The following F5 variants were observed in gnomAD, a reference collection of about 807,000 sequenced individuals.
F5 encodes the protein coagulation factor V.
Under a neutral mutation model 216.4 loss-of-function variants are expected in F5, and 138 were observed. The ratio of observed to expected loss-of-function variants is 0.64; its 90% confidence interval spans 0.56 to 0.73. F5 has a LOEUF of 0.73. F5 is among the 30% of genes least tolerant of loss of function. The pLI is 0.00. For missense variants in F5, 2,403 were observed against 2,674.0 expected, an observed-to-expected ratio of 0.90 and a Z score of 2.24; for synonymous variants, 916 against 930.7, an observed-to-expected ratio of 0.98 and a Z score of 0.29.
At chr1:169,581,878 A>G (rs1437326657) in intron 2 of F5, among the ~76,000 whole-genome samples, 1 of 152,228 alleles carries the variant, frequency 6.6e-6, no homozygotes, top group African/African-American at 2.4e-5. Context: ...AGAGTCAGCC[A>G]TACATAGTTC....
In F5 at chr1:169,527,979, G is replaced by A. The variant is rs372920179; in HGVS notation, c.5535C>T (p.His1845=). Residue 1845 remains histidine (H), a synonymous_variant, in exon 17 of 25, where the codon CAC becomes CAT. Transcript: ENST00000367797. The part of the protein sequence containing the change: ...GSQDIHVVHF[H]GQTLLENGNK... ...TGCCATTTTCCAGCAAGGTCTGGCCGTGAAAGTGAACCACGTGAATGTCTT... is the reference window on the plus strand; with the variant it reads ...TGCCATTTTCCAGCAAGGTCTGGCCATGAAAGTGAACCACGTGAATGTCTT... 23 of 1,613,730 alleles carry A rather than the reference G, an allele frequency of 1.4e-5. No individual in the cohort carries two copies. Among genetic ancestry groups the A allele is most frequent in the African/African-American group, 2.7e-5 (2 of 74,908 alleles).
chr1:169,514,226 C>T lies in F5; in HGVS notation c.*87G>A. ...AAGAGAAATAGTGGAAAACTGTTAA[C>T]ATTTAACACAGCGTAAAATACATTG... On this transcript the variant is annotated 3_prime_UTR_variant, in exon 25 of 25. Transcript: ENST00000367797. The T allele has an allele frequency of 1.5e-6, 2 of 1,341,454 alleles. No individual in the cohort carries two copies. Among genetic ancestry groups the T allele is most frequent in the Non-Finnish European group, 2.1e-6 (2 of 935,440 alleles). 83.1% of individuals were successfully genotyped at this position (1,341,454 alleles called of 1,614,324 possible).
intron 2 of F5, among the ~76,000 whole-genome samples, chr1:169,574,361 A>C (rs1240945024): frequency 6.6e-6 from 1 of 152,190 alleles, no homozygotes; most frequent in East Asian, 1.9e-4. Flanking sequence ...GGGAATCTGG[A>C]CTTTAACGTG....
At chr1:169,525,570 A>G (rs2301520) in intron 18 of F5, among the ~76,000 whole-genome samples, 8,305 of 152,292 alleles carry the variant, frequency 0.055, 348 homozygotes, top group Admixed American at 0.1. Flanking sequence ...TGTCAAGTTT[A>G]GTGACTCAGT....
At chr1:169,525,273 G>C (rs1659418699) in intron 18 of F5, among the ~76,000 whole-genome samples, 1 of 152,034 alleles carries the variant, frequency 6.6e-6, no homozygotes, top group South Asian at 2.1e-4. Context: ...GAGGGGGGAG[G>C]ATTACTTGAG....
At chr1:169,527,409 G>A (rs980573498) in intron 17 of F5, among the ~76,000 whole-genome samples, 2 of 152,056 alleles carry the variant, frequency 1.3e-5, no homozygotes, top group African/African-American at 2.4e-5. Context: ...AAATACCTTT[G>A]TTATTCTTTA....
At chr1:169,554,054 AT>A (rs35355929) in intron 7 of F5, among the ~76,000 whole-genome samples, 1 of 93,084 alleles carries the variant, frequency 1.1e-5, no homozygotes. Context: ...TCTTGGCCAA[AT>A]TTTTTTTGTT....
rs9332670 is a variant in F5, at chr1:169,515,662, T to G, written c.6346-36A>C. The G allele has an allele frequency of 1.6e-3, 2,532 of 1,605,766 alleles. 44 individuals carry two copies. In the African/African-American group the frequency reaches 0.03, roughly 19 times the overall value. On this transcript the variant is annotated intron_variant, in intron 23 of 24. Coordinates refer to ENST00000367797, the MANE Select transcript of F5 (RefSeq NM_000130.5). ...GACAAAAACACATAGATAAGGAAGA[T>G]GTTAAAACCTTTGCTTTTTTTTTAG...
intron 7 of F5, among the ~76,000 whole-genome samples, 192 bp downstream of exon 7, chr1:169,554,990 T>G (rs1213813686): frequency 6.6e-6 from 1 of 152,192 alleles, no homozygotes; most frequent in Non-Finnish European, 1.5e-5. Context: ...GTTGTCATTT[T>G]TATTATTATT....
intron 14 of F5, among the ~76,000 whole-genome samples, chr1:169,533,376 C>T (rs1426682252): frequency 6.6e-6 from 1 of 152,082 alleles, no homozygotes; most frequent in Non-Finnish European, 1.5e-5. Context: ...ACTAATTCCT[C>T]AAAAGCATTT....
At chr1:169,516,521 A>G (rs906964921) in intron 23 of F5, among the ~76,000 whole-genome samples, 1 of 152,244 alleles carries the variant, frequency 6.6e-6, no homozygotes, top group African/African-American at 2.4e-5. Context: ...TTCACATGCT[A>G]TATGTATTTT....
At position 169,543,025 on chromosome 1, in the gene F5, C is replaced by T; in HGVS notation, c.2065G>A (p.Asp689Asn). 6.2e-7 allele frequency: 1 copy of T among 1,613,978 alleles called. No individual in the cohort carries two copies. Among genetic ancestry groups the T allele is most frequent in the Non-Finnish European group, 8.5e-7 (1 of 1,179,890 alleles). The change falls in exon 13 of 25, where the codon GAT becomes AAT. Residue 689 changes from aspartate to asparagine, a missense_variant. Transcript: ENST00000367797. ...TCAAAAATCTCATATGAGTCTTCATCATCATCTGGGATACATTTAACATCC... is the reference window on the plus strand; with the variant it reads ...TCAAAAATCTCATATGAGTCTTCATTATCATCTGGGATACATTTAACATCC... ...FRDVKCIPDDDEDSYEIFEPP... is the reference protein window; with the variant it reads ...FRDVKCIPDDNEDSYEIFEPP...
chr1:169,550,015 C>T lies in F5; in HGVS notation c.1397G>A (p.Gly466Asp). 1 of 1,612,514 alleles carries T rather than the reference C, an allele frequency of 6.2e-7. No individual in the cohort carries two copies. Among genetic ancestry groups the T allele is most frequent in the Non-Finnish European group, 8.5e-7 (1 of 1,178,978 alleles). ...EDEVNSSFTS[G>D]RNNTMIRAVQ... Reference sequence around the variant, plus strand: ...TGCTCTGATCATGGTGTTGTTCCTGCCTGAAAGAAAATATATTCAAAATTG... The same window carrying T: ...TGCTCTGATCATGGTGTTGTTCCTGTCTGAAAGAAAATATATTCAAAATTG... Residue 466 changes from glycine to aspartate, a missense_variant and splice_region_variant, in exon 10 of 25, where the codon GGC (glycine) becomes GAC (aspartate). Around this residue, in one of 4 missense-constraint regions of F5, gnomAD observed 1,425 missense variants for 1,554.8 expected, o/e 0.92. Transcript: ENST00000367797.
rs761406114 is a variant in F5, at chr1:169,523,198, A to G, written c.6047T>C (p.Met2016Thr). The G allele has an allele frequency of 1.9e-6, 3 of 1,614,072 alleles. No individual in the cohort carries two copies. The South Asian group carries it at 3.3e-5, about 18-fold the overall frequency. The part of the protein sequence containing the change: ...IFKGNSTRNV[M>T]YFNGNSDAST... The stretch of plus-strand genomic sequence containing the variant: ...TCAGATAGAAATATGCACACAAACC[A>G]TCACATTCCTTGTGCTGTTCCCTTT... Residue 2016 changes from methionine (M) to threonine (T), a missense_variant and splice_region_variant, in exon 21 of 25, where the codon ATG becomes ACG. Met to Thr is a moderately conservative substitution (Grantham distance 81). This residue lies in a region of F5 where 659 missense variants were observed against 787.9 expected (regional missense o/e 0.84). Transcript: ENST00000367797.
In F5 at chr1:169,523,731, G is replaced by A. The variant is rs938530386; in HGVS notation, c.5892+70C>T. 4 of 1,311,218 alleles carry A rather than the reference G, an allele frequency of 3.1e-6. No individual in the cohort carries two copies. In the African/African-American group the frequency reaches 4.3e-5, roughly 14 times the overall value. 81.2% of individuals were successfully genotyped at this position (1,311,218 alleles called of 1,614,324 possible). A position where few individuals can be genotyped will look rare whatever the true frequency, so the allele number is the denominator to read the frequency against. On this transcript the variant is annotated intron_variant, in intron 20 of 24. Coordinates refer to ENST00000367797, the MANE Select transcript of F5 (RefSeq NM_000130.5). ...AACAACATTGCAAGAACAATAACAA[G>A]GAATTACTAAATCACTTTCATTTTT...
Position 169,526,814 on chromosome 1 carries a change from A to T in F5, c.5600-797T>A, listed in dbSNP as rs565981356. 4.6e-5 allele frequency among the ~76,000 whole-genome samples: 7 copies of T among 152,064 alleles called. 2 individuals carry two copies. The highest frequency in any genetic ancestry group is 1.7e-4 in the African/African-American group (7 of 41,516). On this transcript the variant is annotated intron_variant, in intron 17 of 24. Transcript: ENST00000367797. The stretch of plus-strand genomic sequence containing the variant: ...CTAATACTTGATGAAAAGATGAGTA[A>T]ATTTGACTGAATCTCTTCTGTCTCT...
chr1:169,546,981 A>G (rs1266437343), intron 10 of F5, among the ~76,000 whole-genome samples: 1 of 77,300 alleles, frequency 1.3e-5, no homozygotes, highest in African/African-American at 5.1e-5. Flanking sequence ...AAAAAAAAAA[A>G]AAGAAAAGAA....
chr1:169,578,029 G>A lies in F5; in HGVS notation c.250+4402C>T, dbSNP rs80081556. ...AGGACTAGTCTGGGGAATGGGAGAG[G>A]CCACATAGTTAATGGCAGTGTTCAA... is the stretch of plus-strand genomic sequence containing the variant. On this transcript the variant is annotated intron_variant, in intron 2 of 24. Coordinates refer to ENST00000367797, the MANE Select transcript of F5 (RefSeq NM_000130.5). Among the ~76,000 whole-genome samples the A allele has an allele frequency of 3.2e-3, 481 of 152,228 alleles. 1 individual carries two copies. Among genetic ancestry groups the A allele is most frequent in the Middle Eastern group, 0.02 (6 of 294 alleles).
intron 7 of F5, among the ~76,000 whole-genome samples, chr1:169,554,603 T>C (rs187066929): frequency 6.6e-5 from 10 of 152,344 alleles, no homozygotes; most frequent in South Asian, 4.1e-4. Flanking sequence ...TATATGCATT[T>C]AGAATTTTGA....
Sources: gnomAD v4.1 joint callset for allele counts (sites outside exome capture counted in the v4.1 genomes callset) on GRCh38, gnomAD v4.1.1 for gene constraint, gnomAD v4.1.1 regional missense constraint, MANE v1.5 for transcripts, NCBI Gene and HGNC (gene_info 2026-07-23, HGNC 2026-07-21) for gene names.